Variants in MAF observed in about 807,000 individuals in gnomAD.
The protein encoded by MAF is transcription factor Maf.
A neutral mutation model predicts 22.0 loss-of-function variants in MAF; 10 were observed. That is an observed-to-expected ratio of 0.45 (90% CI 0.28 to 0.77). The LOEUF (loss-of-function observed/expected upper bound fraction) is 0.77, where lower values mean the gene tolerates loss of function less well. MAF is among the 30% of genes least tolerant of loss of function. The probability of loss-of-function intolerance (pLI) is 0.12; values close to 1 mark genes in which losing one functional copy is unlikely to be tolerated. For missense variants in MAF, 544 were observed against 548.4 expected, an observed-to-expected ratio of 0.99 and a Z score of 0.08; for synonymous variants, 337 against 255.8, an observed-to-expected ratio of 1.32 and a Z score of -3.03.
intron 1 of MAF, chr16:79,597,987 G>C: frequency 4.8e-6 from 5 of 1,042,470 alleles, no homozygotes; most frequent in Non-Finnish European, 5.8e-6. Context: ...CCAGAAGGTT[G>C]ATGCAGGCTT....
At position 79,599,448 on chromosome 16, in the gene MAF, C is replaced by A. The variant is rs1159249016; in HGVS notation, c.455G>T (p.Gly152Val). The A allele has an allele frequency of 1.6e-6, 2 of 1,259,478 alleles. No homozygotes were observed. The highest frequency in any genetic ancestry group is 2.0e-6 in the Non-Finnish European group (2 of 1,008,608). The allele number at this position is 1,259,478 out of a possible 1,614,324, so 78.0% of individuals were successfully genotyped here. ...GGCGGGGCCCATCTCCTCGCCGCTG[C>A]CGCCCAAGGAGGCGCCGGCACCGGC... is the stretch of plus-strand genomic sequence containing the variant. ...AGAGAGASLG[G>V]SGEEMGPAAA... The change falls in exon 1 of 2, where the codon GGC (glycine) becomes GTC (valine). Residue 152 changes from glycine (G) to valine (V), a missense_variant. Transcript: ENST00000326043.
At chr16:79,445,083 G>C in the MAF span, among the ~76,000 whole-genome samples, 1 of 152,026 alleles carries the variant, frequency 6.6e-6, no homozygotes, top group Admixed American at 6.6e-5. Context: ...GCCCAGACTG[G>C]AGTGCAGCGG....
the MAF span, among the ~76,000 whole-genome samples, chr16:79,368,335 G>T: frequency 6.6e-6 from 1 of 152,248 alleles, no homozygotes; most frequent in South Asian, 2.1e-4. Context: ...CAGGGCATTA[G>T]CCACAGAGGG....
the MAF span, among the ~76,000 whole-genome samples, chr16:79,221,580 A>C: frequency 6.6e-6 from 1 of 152,244 alleles, no homozygotes; most frequent in Non-Finnish European, 1.5e-5. Context: ...AATAATACAA[A>C]ACAGAGCTTC....
the MAF span, among the ~76,000 whole-genome samples, chr16:79,360,658 A>C: frequency 1.3e-5 from 2 of 152,056 alleles, no homozygotes; most frequent in Non-Finnish European, 2.9e-5. Context: ...GGTCAACCAG[A>C]CTCAGTCTAT....
chr16:79,478,331 G>T, the MAF span, among the ~76,000 whole-genome samples: 1 of 152,182 alleles, frequency 6.6e-6, no homozygotes, highest in African/African-American at 2.4e-5. Flanking sequence ...TATAGATGTG[G>T]TAGAGTCTAC....
the MAF span, among the ~76,000 whole-genome samples, chr16:79,316,344 A>G: frequency 6.6e-6 from 1 of 152,162 alleles, no homozygotes; most frequent in Non-Finnish European, 1.5e-5. Flanking sequence ...GCAGAGCTCT[A>G]TTCACCCATA....
the MAF span, among the ~76,000 whole-genome samples, chr16:79,446,374 G>C: frequency 1.3e-5 from 2 of 152,112 alleles, no homozygotes; most frequent in Non-Finnish European, 2.9e-5. Flanking sequence ...CCTAGCTGGA[G>C]TGTCTGCGTC....
rs530025824 is a variant in MAF at position 79,595,871 on chromosome 16, T to C, written c.1119-1318A>G. The C allele has an allele frequency of 2.2e-5, 23 of 1,058,354 alleles. No homozygotes were observed. The East Asian group carries it at 1.2e-3, about 55-fold the overall frequency. 65.6% of individuals were successfully genotyped at this position (1,058,354 alleles called of 1,614,324 possible). Reference sequence around the variant, plus strand: ...AGATATGTACTTGGAAATATGGAAGTAAGGAGTGGATTTTCTTTTTCCTAT... The same window carrying C: ...AGATATGTACTTGGAAATATGGAAGCAAGGAGTGGATTTTCTTTTTCCTAT... On this transcript the variant is annotated intron_variant, in intron 1 of 1. Transcript: ENST00000326043.
chr16:79,380,204 C>T, the MAF span, among the ~76,000 whole-genome samples: 1 of 152,130 alleles, frequency 6.6e-6, no homozygotes, highest in Admixed American at 6.5e-5. Context: ...TGGGTTTTTC[C>T]AGCAGACCTT....
At chr16:79,379,923 A>G in the MAF span, among the ~76,000 whole-genome samples, 1 of 152,200 alleles carries the variant, frequency 6.6e-6, no homozygotes, top group African/African-American at 2.4e-5. Flanking sequence ...CCCCTCAGAC[A>G]CAGTTTCAGT....
chr16:79,549,239 A>C, the MAF span, among the ~76,000 whole-genome samples: 1 of 151,348 alleles, frequency 6.6e-6, no homozygotes, highest in Admixed American at 6.6e-5. Flanking sequence ...TGCCCAACAT[A>C]GTGCAGAGTG....
At chr16:79,298,199 T>C in the MAF span, among the ~76,000 whole-genome samples, 1 of 152,226 alleles carries the variant, frequency 6.6e-6, no homozygotes, top group African/African-American at 2.4e-5. Flanking sequence ...TCTCTGCCCA[T>C]GGGGACTTGC....
the MAF span, among the ~76,000 whole-genome samples, chr16:79,554,717 G>C: frequency 6.6e-6 from 1 of 152,110 alleles, no homozygotes; most frequent in African/African-American, 2.4e-5. Flanking sequence ...GATGAGCCCA[G>C]AAAAATGACC....
chr16:79,239,749 A>G, the MAF span, among the ~76,000 whole-genome samples: 1 of 152,022 alleles, frequency 6.6e-6, no homozygotes, highest in Non-Finnish European at 1.5e-5. Context: ...TGAAATCCCC[A>G]GAAGTTAGGA....
chr16:79,594,643 T>C (rs1913403379), intron 1 of MAF, 90 bp from the exon 2 acceptor site: 2 of 1,529,336 alleles, frequency 1.3e-6, no homozygotes, highest in African/African-American at 1.4e-5. Context: ...CATATGATTT[T>C]TTTTTTTTTA....
the MAF span, among the ~76,000 whole-genome samples, chr16:79,265,442 A>C: frequency 6.6e-6 from 1 of 152,164 alleles, no homozygotes; most frequent in African/African-American, 2.4e-5. Flanking sequence ...AGTGACTCTA[A>C]GGAAGAAATA....
chr16:79,497,319 C>T, the MAF span, among the ~76,000 whole-genome samples: 1 of 152,180 alleles, frequency 6.6e-6, no homozygotes, highest in East Asian at 1.9e-4. Context: ...TTAGAAGGCA[C>T]CCTTTTTTAC....
chr16:79,381,047 G>A, the MAF span, among the ~76,000 whole-genome samples: 1 of 152,276 alleles, frequency 6.6e-6, no homozygotes, highest in Non-Finnish European at 1.5e-5. Flanking sequence ...CAGGCTGGCA[G>A]GGCCACCTCT....
Sources: gnomAD v4.1 joint callset for allele counts (sites outside exome capture counted in the v4.1 genomes callset) on GRCh38, gnomAD v4.1.1 for gene constraint, MANE v1.5 for transcripts, NCBI Gene and HGNC (gene_info 2026-07-23, HGNC 2026-07-21) for gene names.